PDZD2: variants seen among roughly 807,000 people sequenced by gnomAD.
PDZD2 encodes PDZ domain-containing protein 2.
PDZD2 carries 90 observed loss-of-function variants against 220.7 expected under a neutral mutation model. That is an observed-to-expected ratio of 0.41 (90% confidence interval 0.34 to 0.49). The LOEUF is 0.49. Among genes scored for constraint, PDZD2 ranks in the 20% least tolerant of loss-of-function variants. The pLI is 0.28. For synonymous variants in PDZD2, 1,375 were observed against 1,450.5 expected (o/e 0.95, Z 1.18); for missense variants, 3,174 against 3,608.5 (o/e 0.88, Z 3.08).
At chr5:32,006,963 T>G (rs141134452) in intron 5 of PDZD2, among the ~76,000 whole-genome samples, 54 of 126,356 alleles carry the variant, frequency 4.3e-4, no homozygotes, top group African/African-American at 1.5e-3. Flanking sequence ...TCTCCCAGGC[T>G]GGAGTGCAGT....
At chr5:32,094,697 CA>C (rs36064147) in intron 21 of PDZD2, among the ~76,000 whole-genome samples, 2,721 of 112,378 alleles carry the variant, frequency 0.024, 61 homozygotes, top group African/African-American at 0.064. Flanking sequence ...CCTCATCTCT[CA>C]AAAAAAAAAA....
At chr5:31,935,866 G>A (rs910434284) in intron 2 of PDZD2, among the ~76,000 whole-genome samples, 5 of 152,180 alleles carry the variant, frequency 3.3e-5, no homozygotes, top group South Asian at 4.1e-4. Flanking sequence ...CCAAGTGTGC[G>A]TCCTTTGGTG....
chr5:31,759,540 AT>A (rs71614266), intron 1 of PDZD2, among the ~76,000 whole-genome samples: 23,447 of 130,962 alleles, frequency 0.18, 2,811 homozygotes, highest in East Asian at 0.41. Context: ...TCTCAGAACT[AT>A]TTTTTTTTTT....
In PDZD2 at chr5:31,885,596, AT is replaced by A. The variant is rs565752828; in HGVS notation, c.476+85879del. On this transcript the variant is annotated intron_variant, in intron 2 of 24. Transcript: ENST00000438447. ...GTGGCAATTTCAAAGAAGGAAGTGCATTTTTTTATATGGATGTAGTGATCTC... is the reference window on the plus strand; with the variant it reads ...GTGGCAATTTCAAAGAAGGAAGTGCATTTTTTATATGGATGTAGTGATCTC... 2.6e-5 allele frequency among the ~76,000 whole-genome samples: 4 copies of A among 152,294 alleles called. No individual in the cohort carries two copies. The South Asian group carries it at 6.2e-4, about 24-fold the overall frequency.
In PDZD2 at chr5:31,725,899, C is replaced by G. The variant is rs1387573684; in HGVS notation, c.-360-72990C>G. On this transcript the variant is annotated intron_variant, in intron 1 of 24. Transcript: ENST00000438447. ...GTCTTTTTCTAGGACTATACAATCTCTTCTCACAGGGCCGTTCCTCCAGCT... is the reference window on the plus strand; with the variant it reads ...GTCTTTTTCTAGGACTATACAATCTGTTCTCACAGGGCCGTTCCTCCAGCT... 6 of 720,638 alleles carry G rather than the reference C, an allele frequency of 8.3e-6. No individual in the cohort carries two copies. The East Asian group carries it at 1.2e-4, about 15-fold the overall frequency. The allele number at this position is 720,638 out of a possible 1,614,324, so 44.6% of individuals were successfully genotyped here.
chr5:32,038,370 T>A (rs1755734541), intron 7 of PDZD2, among the ~76,000 whole-genome samples: 6 of 150,368 alleles, frequency 4.0e-5, no homozygotes. Context: ...TCTACTAAAA[T>A]ACACACACAC....
intron 1 of PDZD2, among the ~76,000 whole-genome samples, chr5:31,698,069 A>AT (rs150188542): frequency 0.23 from 33,668 of 145,124 alleles, 4,076 homozygotes; most frequent in Admixed American, 0.31. Context: ...CACCCAGCTA[A>AT]TTTTTTTTTT....
rs888389410 is a variant in PDZD2 at position 31,829,247 on chromosome 5, T to G, written c.476+29523T>G. On this transcript the variant is annotated intron_variant, in intron 2 of 24. Transcript: ENST00000438447. ...GGATTTTTGGAGGTCTTTATTTTTA[T>G]CATTCCAGAAGGGCTTTTTCCAGTA... Among the ~76,000 whole-genome samples, 135 of 152,158 alleles carry G rather than the reference T, an allele frequency of 8.9e-4. 3 individuals carry two copies. Among genetic ancestry groups the G allele is most frequent in the Non-Finnish European group, 2.9e-5 (2 of 68,010 alleles).
intron 2 of PDZD2, among the ~76,000 whole-genome samples, chr5:31,842,271 T>C (rs978437101): frequency 6.6e-6 from 1 of 152,250 alleles, no homozygotes; most frequent in African/African-American, 2.4e-5. Context: ...ATAATGTTTA[T>C]GCACACTTAC....
Position 31,646,820 on chromosome 5 carries a change from C to CT in PDZD2, c.-361+7385dup, listed in dbSNP as rs1745153066. On this transcript the variant is annotated intron_variant, in intron 1 of 24. Transcript: ENST00000438447. This position sits in a 1 kb window ranked among gnomAD's most constrained non-coding sequence, Gnocchi z 4.7. The stretch of plus-strand genomic sequence containing the variant: ...TCCACTCCTACCCCGCCCTGGCCAC[C>CT]TTAATTCCCAGTATCATTAGGCCGA... Among the ~76,000 whole-genome samples the CT allele has an allele frequency of 6.6e-6, 1 of 152,192 alleles. No individual in the cohort carries two copies. The highest frequency in any genetic ancestry group is 2.1e-4 in the South Asian group (1 of 4,830).
At chr5:31,730,574 GT>G (rs1749467087) in intron 1 of PDZD2, among the ~76,000 whole-genome samples, 1 of 114,452 alleles carries the variant, frequency 8.7e-6, no homozygotes, top group South Asian at 2.9e-4. Context: ...GTGTGTGTGT[GT>G]GTGTGTGTGT....
intron 23 of PDZD2, 113 bp from the exon 24 acceptor site, chr5:32,100,992 C>T: frequency 1.9e-6 from 3 of 1,592,826 alleles, no homozygotes; most frequent in Non-Finnish European, 2.6e-6. Context: ...GTAGATGGGA[C>T]TTGAGTGTGC....
intron 2 of PDZD2, among the ~76,000 whole-genome samples, chr5:31,922,693 G>A (rs2150381380): frequency 6.6e-6 from 1 of 152,116 alleles, no homozygotes; most frequent in South Asian, 2.1e-4. Context: ...TTTTGAGATG[G>A]AGTCTTACTC....
chr5:31,815,226 CA>C (rs1755362837), intron 2 of PDZD2, among the ~76,000 whole-genome samples: 3 of 79,142 alleles, frequency 3.8e-5, no homozygotes, highest in South Asian at 8.7e-4. Flanking sequence ...GCCTAGGCAA[CA>C]AGAGCAAAAC....
intron 1 of PDZD2, among the ~76,000 whole-genome samples, chr5:31,749,840 C>A (rs1194600305): frequency 1.3e-5 from 2 of 152,166 alleles, no homozygotes; most frequent in Admixed American, 6.6e-5. Context: ...ACCACTCCTT[C>A]CCCCAGGTGA....
intron 10 of PDZD2, among the ~76,000 whole-genome samples, chr5:32,055,958 A>T (rs1739047428): frequency 1.3e-5 from 2 of 152,218 alleles, no homozygotes; most frequent in Admixed American, 6.5e-5. Flanking sequence ...CGGGGAAAAA[A>T]AATCAATAGT....
rs779737696 is a variant in PDZD2 at position 32,098,418 on chromosome 5, G to A, written c.8002G>A (p.Gly2668Arg). The A allele has an allele frequency of 3.1e-6, 5 of 1,614,180 alleles. No homozygotes were observed. The Admixed American group carries it at 8.3e-5, about 27-fold the overall frequency. ...AASQEGTMNR[G>R]DFLLSVNGAS... ...TTCTCAGGAAGGGACTATGAACCGA[G>A]GGGATTTCCTTCTGTCAGTCAACGG... The change falls in exon 23 of 25, where the codon GGG (glycine) becomes AGG (arginine). Residue 2668 changes from glycine (G) to arginine (R), a missense_variant. Physicochemically the swap from Gly to Arg is moderately radical, Grantham distance 125 (BLOSUM62 -2). This residue lies in a region of PDZD2 where 631 missense variants were observed against 789.9 expected (regional missense o/e 0.80). Coordinates refer to ENST00000438447, the MANE Select transcript of PDZD2 (RefSeq NM_178140.4). This position sits in a 1 kb window ranked among gnomAD's most constrained non-coding sequence, Gnocchi z 4.1.
chr5:31,876,463 T>C (rs1739316548), intron 2 of PDZD2, among the ~76,000 whole-genome samples: 2 of 152,046 alleles, frequency 1.3e-5, no homozygotes, highest in South Asian at 2.1e-4. Context: ...TGGCTAATTT[T>C]TGTGTTTTTA....
At chr5:31,644,561 GAC>G (rs1452187889) in intron 1 of PDZD2, among the ~76,000 whole-genome samples, 2 of 152,210 alleles carry the variant, frequency 1.3e-5, no homozygotes, top group South Asian at 2.1e-4. Context: ...ATGCGGAGAA[GAC>G]ACATTTGTCT....
Sources: allele counts gnomAD v4.1 joint callset (sites outside exome capture counted in the v4.1 genomes callset), GRCh38; gene constraint gnomAD v4.1.1; regional missense constraint gnomAD v4.1.1; non-coding constraint Gnocchi (gnomAD v3.1); transcripts MANE v1.5; gene names NCBI Gene and HGNC (gene_info 2026-07-23, HGNC 2026-07-21).